The following CFAP54 variants were observed in gnomAD, a reference collection of about 807,000 sequenced individuals.
CFAP54 encodes the protein cilia and flagella associated protein 54.
In CFAP54, 290 loss-of-function variants were observed where a neutral mutation model predicts 370.4. That is an observed-to-expected ratio of 0.78 (90% CI 0.71 to 0.86). The LOEUF (loss-of-function observed/expected upper bound fraction) is 0.86, where lower values mean the gene tolerates loss of function less well. Among genes scored for constraint, CFAP54 ranks in the 40% least tolerant of loss-of-function variants. The pLI, the probability that CFAP54 is intolerant of heterozygous loss-of-function variation, is 0.00. For missense variants in CFAP54, 3,399 were observed against 3,528.7 expected (o/e 0.96, Z 0.93); for synonymous variants, 1,206 against 1,236.5 (o/e 0.98, Z 0.52).
At position 96,649,871 on chromosome 12, in the gene CFAP54, A is replaced by T. The variant is rs781580574; in HGVS notation, c.4691-20A>T. ...AATTCTATGTTTTTAATCATGTCATATCTTATTTTTGTACTGTAGATGCTG... is the reference window on the plus strand; with the variant it reads ...AATTCTATGTTTTTAATCATGTCATTTCTTATTTTTGTACTGTAGATGCTG... On this transcript the variant is annotated intron_variant, in intron 34 of 67. Transcript: ENST00000524981. 4 of 1,513,304 alleles carry T rather than the reference A, an allele frequency of 2.6e-6. No individual in the cohort carries two copies. The Admixed American group carries it at 7.5e-5, about 29-fold the overall frequency. 93.7% of individuals were successfully genotyped at this position (1,513,304 alleles called of 1,614,324 possible). A position where few individuals can be genotyped will look rare whatever the true frequency, so the allele number is the denominator to read the frequency against.
intron 36 of CFAP54, among the ~76,000 whole-genome samples, chr12:96,657,564 T>C (rs1956935784): frequency 6.6e-6 from 1 of 152,214 alleles, no homozygotes; most frequent in African/African-American, 2.4e-5. Context: ...AAATTTAAAC[T>C]TGAATGAATT....
At position 96,720,577 on chromosome 12, in the gene CFAP54, C is replaced by T. The variant is rs776977891; in HGVS notation, c.6965+12C>T. 6.7e-7 allele frequency: 1 copy of T among 1,481,694 alleles called. No homozygotes were observed. The highest frequency in any genetic ancestry group is 1.3e-5 in the South Asian group (1 of 74,366). The allele number at this position is 1,481,694 out of a possible 1,614,324, so 91.8% of individuals were successfully genotyped here. A position where few individuals can be genotyped will look rare whatever the true frequency, so the allele number is the denominator to read the frequency against. ...CGGGCGGCATACAGGTGCGTCTCTC[C>T]ATGCACAGGGGAGGGATACCTTTGA... On this transcript the variant is annotated intron_variant, in intron 50 of 67. Transcript: ENST00000524981.
chr12:96,537,611 G>T (rs1955520539), intron 12 of CFAP54, among the ~76,000 whole-genome samples: 1 of 152,008 alleles, frequency 6.6e-6, no homozygotes, highest in Non-Finnish European at 1.5e-5. Context: ...CAAAGTGCTG[G>T]GATTATAGGT....
intron 55 of CFAP54, among the ~76,000 whole-genome samples, chr12:96,752,673 C>T (rs1958200632): frequency 6.6e-6 from 1 of 152,192 alleles, no homozygotes; most frequent in African/African-American, 2.4e-5. Context: ...TTCCCTAACT[C>T]CCCCAATCTG....
At chr12:96,832,192 G>A (rs1019891287) in intron 66 of CFAP54, among the ~76,000 whole-genome samples, 6 of 151,774 alleles carry the variant, frequency 4.0e-5, no homozygotes, top group Non-Finnish European at 7.4e-5. Flanking sequence ...GACATGACTT[G>A]CTCCTCCTTG....
intron 30 of CFAP54, 110 bp from the exon 31 acceptor site, chr12:96,629,983 G>A: frequency 2.0e-6 from 1 of 497,440 alleles, no homozygotes; most frequent in South Asian, 3.4e-5. Context: ...GACACAAGCA[G>A]TTTTAGATAT....
intron 50 of CFAP54, among the ~76,000 whole-genome samples, chr12:96,728,215 T>C (rs368558266): frequency 7.2e-5 from 11 of 151,828 alleles, no homozygotes; most frequent in Admixed American, 5.9e-4. Context: ...TGAATCTGAA[T>C]GTTGGCCTGC....
chr12:96,817,368 G>T (rs183868536), intron 64 of CFAP54, among the ~76,000 whole-genome samples: 4 of 151,806 alleles, frequency 2.6e-5, no homozygotes, highest in African/African-American at 9.7e-5. Context: ...AAATCTAATC[G>T]TTAAATAACT....
intron 26 of CFAP54, among the ~76,000 whole-genome samples, chr12:96,600,632 T>C (rs551919810): frequency 2.6e-5 from 4 of 152,332 alleles, no homozygotes; most frequent in Non-Finnish European, 5.9e-5. Flanking sequence ...TGGAATGTTC[T>C]TCCATTTGTT....
chr12:96,539,064 G>GGTTTTTT (rs1555229705), intron 13 of CFAP54, among the ~76,000 whole-genome samples: 2 of 111,832 alleles, frequency 1.8e-5, no homozygotes, highest in South Asian at 3.2e-4. Flanking sequence ...GCCTTTTCAG[G>GGTTTTTT]TTTTTTTTTT....
chr12:96,751,461 A>G (rs947075355), intron 55 of CFAP54, among the ~76,000 whole-genome samples: 3 of 152,142 alleles, frequency 2.0e-5, no homozygotes, highest in Admixed American at 1.3e-4. Flanking sequence ...ATCATGTATC[A>G]TATCATATGG....
intron 67 of CFAP54, among the ~76,000 whole-genome samples, chr12:96,871,451 A>G (rs1046974661): frequency 6.6e-6 from 1 of 152,212 alleles, no homozygotes; most frequent in African/African-American, 2.4e-5. Context: ...CAGTAATTTA[A>G]CTGTATGCTA....
chr12:96,647,495 A>AAAAAAAAAAAAAAAAAAAAAC (rs1956809371), intron 33 of CFAP54, among the ~76,000 whole-genome samples: 1 of 149,244 alleles, frequency 6.7e-6, no homozygotes, highest in African/African-American at 2.5e-5. Flanking sequence ...AAAAAAAAAA[A>AAAAAAAAAAAAAAAAAAAAAC]AGAAATGCCA....
chr12:96,578,796 G>C (rs1430460435), intron 20 of CFAP54, among the ~76,000 whole-genome samples: 1 of 152,164 alleles, frequency 6.6e-6, no homozygotes, highest in Non-Finnish European at 1.5e-5. Context: ...AAAATCTCTT[G>C]TTGAGGCATT....
intron 56 of CFAP54, 110 bp downstream of exon 56, chr12:96,754,008 CA>C: frequency 9.0e-7 from 1 of 1,108,644 alleles, no homozygotes; most frequent in Non-Finnish European, 1.3e-6. Flanking sequence ...TACAAACATA[CA>C]AAGGGCTTAG....
At chr12:96,740,600 A>G (rs529154967) in intron 51 of CFAP54, among the ~76,000 whole-genome samples, 1 of 152,376 alleles carries the variant, frequency 6.6e-6, no homozygotes, top group South Asian at 2.1e-4. Flanking sequence ...AAGATTCATC[A>G]TATAGAACCC....
In CFAP54 at chr12:96,791,184, C is replaced by CTTTTTTTT. The variant is rs369132463; in HGVS notation, c.8680-1134_8680-1127dup. On this transcript the variant is annotated intron_variant, in intron 62 of 67. Transcript: ENST00000524981. Reference sequence around the variant, plus strand: ...GTAGTTTGCACTTCATTGAAGAACGCTTTTTTTTTTTTTTTTTTGAGACGG... The same window carrying CTTTTTTTT: ...GTAGTTTGCACTTCATTGAAGAACGCTTTTTTTTTTTTTTTTTTTTTTTTTTGAGACGG... Among the ~76,000 whole-genome samples the CTTTTTTTT allele has an allele frequency of 4.5e-4, 59 of 131,430 alleles. 1 individual carries two copies. The East Asian group carries it at 0.011, about 24-fold the overall frequency. The allele number at this position is 131,430 out of a possible 152,430, so 86.2% of individuals were successfully genotyped here.
intron 66 of CFAP54, among the ~76,000 whole-genome samples, chr12:96,850,214 A>G (rs1179352288): frequency 1.0e-5 from 1 of 96,822 alleles, no homozygotes; most frequent in African/African-American, 5.3e-5. Flanking sequence ...CCCTGTCTCT[A>G]CTAAAAAAAA....
At chr12:96,808,404 G>A (rs915587217) in intron 63 of CFAP54, among the ~76,000 whole-genome samples, 2 of 152,064 alleles carry the variant, frequency 1.3e-5, no homozygotes, top group African/African-American at 2.4e-5. Flanking sequence ...CCTGAAAAAG[G>A]GTGTATTAGA....
Sources: gnomAD v4.1 joint callset for allele counts (sites outside exome capture counted in the v4.1 genomes callset) on GRCh38, gnomAD v4.1.1 for gene constraint, MANE v1.5 for transcripts, NCBI Gene and HGNC (gene_info 2026-07-23, HGNC 2026-07-21) for gene names.